HVCN1: variants seen among roughly 807,000 people sequenced by gnomAD.
The protein encoded by HVCN1 is hydrogen voltage gated channel 1.
In HVCN1, 14 loss-of-function variants were observed where a neutral mutation model predicts 29.2. That is an observed-to-expected ratio of 0.48 (90% confidence interval 0.32 to 0.75). HVCN1 has a LOEUF of 0.75. HVCN1 is among the 30% of genes least tolerant of loss of function. The pLI, the probability that HVCN1 is intolerant of heterozygous loss-of-function variation, is 0.04. For synonymous variants in HVCN1, 131 were observed against 133.2 expected (o/e 0.98, Z 0.11); for missense variants, 263 against 341.8 (o/e 0.77, Z 1.82).
At position 110,649,155 on chromosome 12, in the gene HVCN1, C is replaced by CAATT; in HGVS notation, c.*251_*254dup. On this transcript the variant is annotated 3_prime_UTR_variant, in exon 8 of 8. Coordinates refer to ENST00000242607, the MANE Select transcript of HVCN1 (RefSeq NM_032369.4). ...ATTGTCCAGCTTTGTTGCTCATTTT[C>CAATT]AATTAAGGCTAAAGTGTTCAACATG... The CAATT allele has an allele frequency of 4.4e-6, 3 of 680,124 alleles. No individual in the cohort carries two copies. Among genetic ancestry groups the CAATT allele is most frequent in the African/African-American group, 1.8e-5 (1 of 56,028 alleles). The allele number at this position is 680,124 out of a possible 1,614,324, so 42.1% of individuals were successfully genotyped here. A position where few individuals can be genotyped will look rare whatever the true frequency, so the allele number is the denominator to read the frequency against.
intron 4 of HVCN1, among the ~76,000 whole-genome samples, chr12:110,660,466 C>T (rs1162309844): frequency 6.6e-6 from 1 of 152,242 alleles, no homozygotes; most frequent in Non-Finnish European, 1.5e-5. Context: ...TGATGGGTCT[C>T]CATGAGGCAG....
chr12:110,682,826 G>A, intron 3 of HVCN1: 1 of 264,540 alleles, frequency 3.8e-6, no homozygotes, highest in South Asian at 3.8e-5. Flanking sequence ...AGCCAGGTGT[G>A]GTGGTGCATG....
At chr12:110,681,265 A>C (rs1426266418) in intron 3 of HVCN1, among the ~76,000 whole-genome samples, 1 of 152,120 alleles carries the variant, frequency 6.6e-6, no homozygotes, top group African/African-American at 2.4e-5. Flanking sequence ...GTGTTGTCTC[A>C]TGTGCTAAGA....
At chr12:110,677,555 A>C (rs1233427250) in intron 3 of HVCN1, among the ~76,000 whole-genome samples, 1 of 151,966 alleles carries the variant, frequency 6.6e-6, no homozygotes, top group Admixed American at 6.5e-5. Flanking sequence ...TACCTCCTGG[A>C]TGGTGGAAGG....
Position 110,649,290 on chromosome 12 carries a change from G to T in HVCN1, c.*120C>A. ...CCACCCAGAATCCATGCTGGCAGGAGGGAGGCAGAGGTATCAAACCAAACC... is the reference window on the plus strand; with the variant it reads ...CCACCCAGAATCCATGCTGGCAGGATGGAGGCAGAGGTATCAAACCAAACC... On this transcript the variant is annotated 3_prime_UTR_variant, in exon 8 of 8. Coordinates refer to ENST00000242607, the MANE Select transcript of HVCN1 (RefSeq NM_032369.4). 2 of 760,928 alleles carry T rather than the reference G, an allele frequency of 2.6e-6. No individual in the cohort carries two copies. The highest frequency in any genetic ancestry group is 4.6e-6 in the Non-Finnish European group (2 of 431,920). The allele number at this position is 760,928 out of a possible 1,614,324, so 47.1% of individuals were successfully genotyped here. A position where few individuals can be genotyped will look rare whatever the true frequency, so the allele number is the denominator to read the frequency against.
intron 2 of HVCN1, among the ~76,000 whole-genome samples, chr12:110,699,209 G>T (rs901096458): frequency 2.6e-5 from 4 of 152,194 alleles, no homozygotes; most frequent in Non-Finnish European, 5.9e-5. Flanking sequence ...GCTGGGCTTT[G>T]CTGGGTCTTG....
At chr12:110,698,646 A>G (rs548804504) in intron 2 of HVCN1, among the ~76,000 whole-genome samples, 1 of 152,188 alleles carries the variant, frequency 6.6e-6, no homozygotes, top group African/African-American at 2.4e-5. Flanking sequence ...GGCCAGGGGG[A>G]CCCGAGCACT....
intron 6 of HVCN1, among the ~76,000 whole-genome samples, chr12:110,650,690 G>T (rs1323476643): frequency 7.1e-6 from 1 of 141,822 alleles, no homozygotes; most frequent in East Asian, 1.9e-4. Flanking sequence ...TTTGACAAGA[G>T]TCCAGTTTTT....
In HVCN1 at chr12:110,661,885, C is replaced by T. The variant is rs1354123832; in HGVS notation, c.22-437G>A. Among the ~76,000 whole-genome samples the T allele has an allele frequency of 1.3e-5, 2 of 151,842 alleles. No individual in the cohort carries two copies. The highest frequency in any genetic ancestry group is 1.3e-4 in the Admixed American group (2 of 15,254). On this transcript the variant is annotated intron_variant, in intron 3 of 7. Coordinates refer to ENST00000242607, the MANE Select transcript of HVCN1 (RefSeq NM_032369.4). This position sits in a 1 kb window ranked among gnomAD's most constrained non-coding sequence, Gnocchi z 6.2. Reference sequence around the variant, plus strand: ...GTTTCATAGAAAAGTCACGAGATCCCCACCCATCACGCCACACATCCTGAC... The same window carrying T: ...GTTTCATAGAAAAGTCACGAGATCCTCACCCATCACGCCACACATCCTGAC...
intron 2 of HVCN1, among the ~76,000 whole-genome samples, chr12:110,696,344 C>T (rs1593553510): frequency 6.6e-6 from 1 of 152,136 alleles, no homozygotes. Flanking sequence ...CGGCTGGTGG[C>T]ATTTAGTACA....
chr12:110,701,566 A>G (rs879812188), intron 2 of HVCN1, among the ~76,000 whole-genome samples: 16 of 152,128 alleles, frequency 1.1e-4, no homozygotes, highest in Admixed American at 2.0e-4. Context: ...ATATTAAAAC[A>G]GGTCCCTGAG....
intron 3 of HVCN1, among the ~76,000 whole-genome samples, chr12:110,669,636 TCC>T (rs2068502275): frequency 6.6e-6 from 1 of 152,116 alleles, no homozygotes; most frequent in Non-Finnish European, 1.5e-5. Context: ...TCTTTAATTC[TCC>T]CTCACCCCAG....
rs1207597177 is a variant in HVCN1 at position 110,658,798 on chromosome 12, C to A, written c.306+2366G>T. ...GCAAAGATGTGTCTGCCACATTTGT[C>A]ACTGTACACAGCAGGTGCTCAATAA... On this transcript the variant is annotated intron_variant, in intron 4 of 7. Coordinates refer to ENST00000242607, the MANE Select transcript of HVCN1 (RefSeq NM_032369.4). This position sits in a 1 kb window ranked among gnomAD's most constrained non-coding sequence, Gnocchi z 5.0. Among the ~76,000 whole-genome samples, 1 of 152,240 alleles carries A rather than the reference C, an allele frequency of 6.6e-6. No homozygotes were observed. Among genetic ancestry groups the A allele is most frequent in the African/African-American group, 2.4e-5 (1 of 41,454 alleles).
intron 2 of HVCN1, among the ~76,000 whole-genome samples, chr12:110,687,661 G>A (rs1004896714): frequency 6.6e-6 from 1 of 152,156 alleles, no homozygotes; most frequent in East Asian, 1.9e-4. Flanking sequence ...TGGAAGTAGG[G>A]GGTGGAGGGG....
chr12:110,670,242 C>T (rs1294152392), intron 3 of HVCN1, among the ~76,000 whole-genome samples: 9 of 152,136 alleles, frequency 5.9e-5, no homozygotes, highest in Non-Finnish European at 5.9e-5. Context: ...AAGCCGCCAT[C>T]TGTGGGAGGG....
chr12:110,660,629 C>T (rs186685720), intron 4 of HVCN1, among the ~76,000 whole-genome samples: 1 of 152,304 alleles, frequency 6.6e-6, no homozygotes, highest in Admixed American at 6.5e-5. Context: ...TAGTGGCATT[C>T]AGTCCATTCA....
intron 2 of HVCN1, among the ~76,000 whole-genome samples, chr12:110,699,800 G>C (rs545279421): frequency 3.6e-4 from 55 of 152,270 alleles, no homozygotes; most frequent in Non-Finnish European, 7.2e-4. Flanking sequence ...CGATGAGTTA[G>C]GATTATGTTC....
chr12:110,701,082 C>CT (rs1235715573), intron 2 of HVCN1, among the ~76,000 whole-genome samples: 3 of 152,236 alleles, frequency 2.0e-5, no homozygotes, highest in South Asian at 2.1e-4. Flanking sequence ...GATGGAGAAA[C>CT]AGAGGCCGCA....
At chr12:110,679,725 C>T (rs570928572) in intron 3 of HVCN1, among the ~76,000 whole-genome samples, 9 of 152,214 alleles carry the variant, frequency 5.9e-5, no homozygotes, top group Middle Eastern at 6.8e-3. Context: ...CGGTGGCGGG[C>T]GCCTGTAGTC....
Sources: gnomAD v4.1 joint callset for allele counts (sites outside exome capture counted in the v4.1 genomes callset) on GRCh38, gnomAD v4.1.1 for gene constraint, Gnocchi (gnomAD v3.1) non-coding constraint, MANE v1.5 for transcripts, NCBI Gene and HGNC (gene_info 2026-07-23, HGNC 2026-07-21) for gene names.